Variants in PCDHGA6 observed in about 807,000 individuals in gnomAD.
The protein encoded by PCDHGA6 is protocadherin gamma-A6.
In PCDHGA6, 41 loss-of-function variants were observed where a neutral mutation model predicts 60.6. The ratio of observed to expected loss-of-function variants is 0.68; its 90% confidence interval spans 0.53 to 0.88. PCDHGA6 has a LOEUF of 0.88. Among genes scored for constraint, PCDHGA6 ranks in the 40% least tolerant of loss-of-function variants. The pLI is 0.00. For missense variants in PCDHGA6, 1,312 were observed against 1,203.0 expected (o/e 1.09, Z -1.34); for synonymous variants, 594 against 524.4 (o/e 1.13, Z -1.81).
chr5:141,494,751 G>A, intron 1 of PCDHGA6, 56 bp from the exon 2 acceptor site: 2 of 1,613,426 alleles, frequency 1.2e-6, no homozygotes, highest in Non-Finnish European at 8.5e-7. Flanking sequence ...AGGGGCTCGG[G>A]TGACATTCTA....
intron 1 of PCDHGA6, among the ~76,000 whole-genome samples, chr5:141,463,177 A>G (rs914982793): frequency 2.6e-5 from 4 of 152,250 alleles, no homozygotes; most frequent in Admixed American, 2.6e-4. Context: ...ATGTATGCTC[A>G]GATTATTATT....
intron 1 of PCDHGA6, among the ~76,000 whole-genome samples, chr5:141,437,741 CT>C (rs35124340): frequency 3.0e-3 from 425 of 141,590 alleles, no homozygotes; most frequent in African/African-American, 3.7e-3. Context: ...TTGAGTTCAC[CT>C]TTTTTTTTTT....
chr5:141,430,383 G>GAA (rs139772145), intron 1 of PCDHGA6, among the ~76,000 whole-genome samples: 39 of 138,602 alleles, frequency 2.8e-4, no homozygotes, highest in African/African-American at 7.9e-4. Context: ...AGCTCATTGG[G>GAA]AAAAAAAAAA....
intron 1 of PCDHGA6, chr5:141,433,126 G>A (rs1390613447): frequency 1.9e-6 from 3 of 1,614,120 alleles, no homozygotes; most frequent in Middle Eastern, 1.7e-4. Flanking sequence ...AAAAAAGCGA[G>A]CCCCTTTTGC....
intron 1 of PCDHGA6, among the ~76,000 whole-genome samples, chr5:141,452,476 C>T (rs968627914): frequency 6.6e-6 from 1 of 152,216 alleles, no homozygotes; most frequent in Admixed American, 6.5e-5. Context: ...AGGAAAAACA[C>T]ACATAAACAC....
chr5:141,423,327 A>C, intron 1 of PCDHGA6: 1 of 1,614,100 alleles, frequency 6.2e-7, no homozygotes, highest in Non-Finnish European at 8.5e-7. Context: ...CGGTGGCCGC[A>C]GTCTCCTGCA....
intron 1 of PCDHGA6, chr5:141,421,220 A>T (rs1178268746): frequency 6.3e-7 from 1 of 1,575,620 alleles, no homozygotes; most frequent in East Asian, 2.3e-5. Context: ...ATCGGCTTAG[A>T]GCCTGCCATG....
intron 1 of PCDHGA6, chr5:141,418,398 T>C (rs754177868): frequency 6.2e-7 from 1 of 1,613,842 alleles, no homozygotes; most frequent in South Asian, 1.1e-5. Flanking sequence ...TATTTCTCAT[T>C]GGTGGAGAAA....
intron 1 of PCDHGA6, chr5:141,409,049 AG>A: frequency 6.2e-7 from 1 of 1,614,028 alleles, no homozygotes; most frequent in African/African-American, 1.3e-5. Context: ...CTACTTCCGA[AG>A]CACTGCCCAG....
rs1588782771 is a variant in PCDHGA6, at chr5:141,375,865, G to A, written c.1782G>A (p.Val594=). The A allele has an allele frequency of 6.2e-7, 1 of 1,613,976 alleles. No individual in the cohort carries two copies. Among genetic ancestry groups the A allele is most frequent in the Non-Finnish European group, 8.5e-7 (1 of 1,180,042 alleles). Reference sequence around the variant, plus strand: ...ACCTGGTGACCAAGGTGGTGGCGGTGGACAGAGACTCGGGCCAGAACGCCT... The same window carrying A: ...ACCTGGTGACCAAGGTGGTGGCGGTAGACAGAGACTCGGGCCAGAACGCCT... ...PGYLVTKVVA[V]DRDSGQNAWL... Residue 594 remains valine, a synonymous_variant, in exon 1 of 4, where the codon GTG becomes GTA. Coordinates refer to ENST00000517434, the MANE Select transcript of PCDHGA6 (RefSeq NM_018919.3).
In PCDHGA6 at chr5:141,431,375, G is replaced by T. The variant is rs139873616; in HGVS notation, c.2424+54868G>T. ...ACGCGCCCTGGACCGCGAAGAAAAGGCTGCTCACCACCTGGTCCTTACGGC... is the reference window on the plus strand; with the variant it reads ...ACGCGCCCTGGACCGCGAAGAAAAGTCTGCTCACCACCTGGTCCTTACGGC... On this transcript the variant is annotated intron_variant, in intron 1 of 3. Coordinates refer to ENST00000517434, the MANE Select transcript of PCDHGA6 (RefSeq NM_018919.3). This position sits in a 1 kb window ranked among gnomAD's most constrained non-coding sequence, Gnocchi z 4.8. 21 of 1,613,422 alleles carry T rather than the reference G, an allele frequency of 1.3e-5. No homozygotes were observed. The African/African-American group carries it at 2.8e-4, about 21-fold the overall frequency.
intron 1 of PCDHGA6, chr5:141,382,913 C>G: frequency 5.2e-6 from 8 of 1,553,234 alleles, no homozygotes; most frequent in Non-Finnish European, 7.0e-6. Context: ...GCGGCTCAGC[C>G]GAGGGGCGGG....
intron 1 of PCDHGA6, chr5:141,384,001 C>G (rs1561599904): frequency 6.2e-7 from 1 of 1,613,828 alleles, no homozygotes. Context: ...AGTCATTGCT[C>G]TTTTCTACCT....
At chr5:141,456,919 C>G (rs2098898169) in intron 1 of PCDHGA6, among the ~76,000 whole-genome samples, 1 of 152,124 alleles carries the variant, frequency 6.6e-6, no homozygotes, top group African/African-American at 2.4e-5. Flanking sequence ...GCCGAGATCG[C>G]ACCACTGCAC....
At chr5:141,456,149 G>A (rs377506220) in intron 1 of PCDHGA6, among the ~76,000 whole-genome samples, 1 of 151,866 alleles carries the variant, frequency 6.6e-6, no homozygotes, top group East Asian at 1.9e-4. Flanking sequence ...CGCCCGCCTC[G>A]GCCTCCTAAA....
chr5:141,459,909 G>A (rs7446907), intron 1 of PCDHGA6, among the ~76,000 whole-genome samples: 42,418 of 152,010 alleles, frequency 0.28, 6,645 homozygotes, highest in African/African-American at 0.43. Flanking sequence ...TGAGCTATGG[G>A]AGTTTTAAAA....
chr5:141,403,571 G>A (rs778030830), intron 1 of PCDHGA6: 1 of 1,613,904 alleles, frequency 6.2e-7, no homozygotes, highest in Non-Finnish European at 8.5e-7. Context: ...GGAGGCAACT[G>A]CCCACCACCT....
intron 1 of PCDHGA6, among the ~76,000 whole-genome samples, chr5:141,405,811 ACTGT>A (rs56926516): frequency 0.18 from 26,617 of 151,870 alleles, 2,510 homozygotes; most frequent in Admixed American, 0.28. Flanking sequence ...TTTCTCTTTA[ACTGT>A]CTGTACTTAA....
rs1404855518 is a variant in PCDHGA6 at position 141,374,629 on chromosome 5, G to T, written c.546G>T (p.Val182=). ...LSGNSHFSVD[V]QSEAHGPKYP... Reference sequence around the variant, plus strand: ...GTAATAGTCACTTCTCAGTGGACGTGCAAAGCGAAGCCCATGGGCCCAAGT... The same window carrying T: ...GTAATAGTCACTTCTCAGTGGACGTTCAAAGCGAAGCCCATGGGCCCAAGT... The change falls in exon 1 of 4, where the codon GTG becomes GTT. Residue 182 remains valine (V), a synonymous_variant. Transcript: ENST00000517434. 1 of 1,613,096 alleles carries T rather than the reference G, an allele frequency of 6.2e-7. No homozygotes were observed. Among genetic ancestry groups the T allele is most frequent in the Non-Finnish European group, 8.5e-7 (1 of 1,179,494 alleles).
Sources: gnomAD v4.1 joint callset for allele counts (sites outside exome capture counted in the v4.1 genomes callset) on GRCh38, gnomAD v4.1.1 for gene constraint, Gnocchi (gnomAD v3.1) non-coding constraint, MANE v1.5 for transcripts, NCBI Gene and HGNC (gene_info 2026-07-23, HGNC 2026-07-21) for gene names.